The following NANP variants were observed in gnomAD, a reference collection of about 807,000 sequenced individuals.
NANP encodes the protein N-acylneuraminate-9-phosphatase.
A neutral mutation model predicts 16.9 loss-of-function variants in NANP; 15 were observed. The ratio of observed to expected loss-of-function variants is 0.89; its 90% CI spans 0.59 to 1.37. NANP has a LOEUF of 1.37. Ranked by LOEUF, NANP falls within the 40% of genes most tolerant of loss-of-function variation. The pLI, the probability that NANP is intolerant of heterozygous loss-of-function variation, is 0.00. For missense variants in NANP, 290 were observed against 303.5 expected, an observed-to-expected ratio of 0.96 and a Z score of 0.33; for synonymous variants, 135 against 112.6, an observed-to-expected ratio of 1.20 and a Z score of -1.26.
rs2065330919 is a variant in NANP at position 25,613,683 on chromosome 20, T to C, written c.*2242A>G. ...TCCCTAAGGAAGGGTGCAAATGGAA[T>C]GTAATACATTACTGTACTCTGTAGA... On this transcript the variant is annotated 3_prime_UTR_variant, in exon 2 of 2. Transcript: ENST00000304788. The C allele has an allele frequency of 2.5e-6, 1 of 397,876 alleles. No individual in the cohort carries two copies. Among genetic ancestry groups the C allele is most frequent in the Non-Finnish European group, 4.4e-6 (1 of 225,822 alleles). 24.6% of individuals were successfully genotyped at this position (397,876 alleles called of 1,614,324 possible).
chr20:25,616,723 TG>T, intron 1 of NANP, 142 bp from the exon 2 acceptor site: 1 of 666,364 alleles, frequency 1.5e-6, no homozygotes, highest in South Asian at 2.2e-5. Flanking sequence ...CCGTTTCTGG[TG>T]GGAATTGGCC....
Position 25,616,303 on chromosome 20 carries a change from C to G in NANP, c.369G>C (p.Lys123Asn). 1.2e-6 allele frequency: 2 copies of G among 1,614,188 alleles called. No individual in the cohort carries two copies. Among genetic ancestry groups the G allele is most frequent in the Non-Finnish European group, 1.7e-6 (2 of 1,180,018 alleles). The stretch of plus-strand genomic sequence containing the variant: ...TCGTTAATAGAAGTAGGCGGACCTC[C>G]TTTCGAAGTTCAGTAAGCATGGCTT... Reference protein sequence around the residue: ...DVKAMLTELRKEVRLLLLTNG... With the variant: ...DVKAMLTELRNEVRLLLLTNG... Residue 123 changes from lysine (K) to asparagine (N), a missense_variant, in exon 2 of 2, where the codon AAG (lysine) becomes AAC (asparagine). By Grantham distance (94) the Lys-to-Asn change is moderately conservative. Coordinates refer to ENST00000304788, the MANE Select transcript of NANP (RefSeq NM_152667.3).
chr20:25,622,985 T>C (rs1274289775), intron 1 of NANP, among the ~76,000 whole-genome samples: 1 of 152,162 alleles, frequency 6.6e-6, no homozygotes, highest in Non-Finnish European at 1.5e-5. Context: ...GGAATGCAGC[T>C]AAAAAGAAAA....
At position 25,623,934 on chromosome 20, in the gene NANP, G is replaced by A. The variant is rs749362766; in HGVS notation, c.15C>T (p.Arg5=). The change falls in exon 1 of 2, where the codon CGC becomes CGT. Residue 5 remains arginine, a synonymous_variant. Coordinates refer to ENST00000304788, the MANE Select transcript of NANP (RefSeq NM_152667.3). The stretch of plus-strand genomic sequence containing the variant: ...CCAAGTCAAAGAAAACCGCCCGCAC[G>A]CGGCTCAGCCCCATAGCGCCGGCCG... MGLS[R]VRAVFFDLDN... The A allele has an allele frequency of 6.2e-7, 1 of 1,613,186 alleles. No individual in the cohort carries two copies. Among genetic ancestry groups the A allele is most frequent in the South Asian group, 1.1e-5 (1 of 91,064 alleles).
rs897458054 is a variant in NANP at position 25,615,233 on chromosome 20, G to A, written c.*692C>T. On this transcript the variant is annotated 3_prime_UTR_variant, in exon 2 of 2. Coordinates refer to ENST00000304788, the MANE Select transcript of NANP (RefSeq NM_152667.3). The stretch of plus-strand genomic sequence containing the variant: ...CAGGTGAGAAAATGTCACGGTAAAG[G>A]AGCACCATGTGTTGATTTTAACAGC... The A allele has an allele frequency of 6.6e-6, 1 of 152,174 alleles. No homozygotes were observed. The highest frequency in any genetic ancestry group is 1.5e-5 in the Non-Finnish European group (1 of 67,994). The allele number at this position is 152,174 out of a possible 1,614,324, so 9.4% of individuals were successfully genotyped here.
In NANP at chr20:25,623,971, C is replaced by G; in HGVS notation, c.-23G>C. ...CATAGCGCCGGCCGCTGGCGCGAAC[C>G]GTAGCCTTGCCACCGCCGCCTGCGC... is the stretch of plus-strand genomic sequence containing the variant. On this transcript the variant is annotated 5_prime_UTR_variant, in exon 1 of 2. Transcript: ENST00000304788. 1 of 1,608,456 alleles carries G rather than the reference C, an allele frequency of 6.2e-7. No homozygotes were observed. Among genetic ancestry groups the G allele is most frequent in the Non-Finnish European group, 8.5e-7 (1 of 1,178,002 alleles).
At position 25,615,927 on chromosome 20, in the gene NANP, A is replaced by C; in HGVS notation, c.745T>G (p.Ter249GluextTer3). Reference sequence around the variant, plus strand: ...ATAATCATGCCCTTTTATGTGCTTTAAGTGGACATACTGACTTTGCAGTCT... The same window carrying C: ...ATAATCATGCCCTTTTATGTGCTTTCAGTGGACATACTGACTTTGCAGTCT... ...SIDCKVSMST[*>E] Residue 249 changes from the stop codon to glutamate, a stop_lost, in exon 2 of 2, where the codon TAA becomes GAA. Coordinates refer to ENST00000304788, the MANE Select transcript of NANP (RefSeq NM_152667.3). The C allele has an allele frequency of 6.2e-7, 1 of 1,606,274 alleles. No homozygotes were observed. The highest frequency in any genetic ancestry group is 8.5e-7 in the Non-Finnish European group (1 of 1,175,844).
chr20:25,616,197 C>T lies in NANP; in HGVS notation c.475G>A (p.Glu159Lys). The T allele has an allele frequency of 6.2e-7, 1 of 1,614,152 alleles. No homozygotes were observed. Among genetic ancestry groups the T allele is most frequent in the South Asian group, 1.1e-5 (1 of 91,078 alleles). ...GGTGCTGGTTTCTCCTCTCTCTGCTCTCCACCTACAACAACAGCGTCAAAA... is the reference window on the plus strand; with the variant it reads ...GGTGCTGGTTTCTCCTCTCTCTGCTTTCCACCTACAACAACAGCGTCAAAA... ...SYFDAVVVGG[E>K]QREEKPAPSI... is the part of the protein sequence containing the mutation. Residue 159 changes from glutamate (E) to lysine (K), a missense_variant, in exon 2 of 2, where the codon GAG becomes AAG. By Grantham distance (56) the Glu-to-Lys change is moderately conservative (BLOSUM62 1). Transcript: ENST00000304788.
At chr20:25,619,233 C>A (rs752100658) in intron 1 of NANP, among the ~76,000 whole-genome samples, 3 of 150,314 alleles carry the variant, frequency 2.0e-5, no homozygotes, top group Non-Finnish European at 4.4e-5. Flanking sequence ...CTGGGCTCAT[C>A]TCACTTCAGT....
In NANP at chr20:25,616,533, T is replaced by G. The variant is rs200124748; in HGVS notation, c.139A>C (p.Ile47Leu). The G allele has an allele frequency of 1.4e-4, 228 of 1,608,854 alleles. No homozygotes were observed. The highest frequency in any genetic ancestry group is 1.7e-4 in the Non-Finnish European group (202 of 1,178,240). Residue 47 changes from isoleucine to leucine, a missense_variant, in exon 2 of 2, where the codon ATC becomes CTC. Physicochemically the swap from Ile to Leu is conservative, Grantham distance 5. Transcript: ENST00000304788. ...TTAACTTGAACTTTATCACAGATGA[T>G]TTCAGCCTCTTCTTTATAATGGTAT... The part of the protein sequence containing the change: ...SKYHYKEEAE[I>L]ICDKVQVKLS...
intron 1 of NANP, among the ~76,000 whole-genome samples, chr20:25,618,024 G>A (rs565690294): frequency 6.6e-6 from 1 of 152,246 alleles, no homozygotes; most frequent in East Asian, 1.9e-4. Context: ...AATTAGGCAG[G>A]GAAGTGCAGA....
Position 25,615,850 on chromosome 20 carries a change from G to C in NANP, c.*75C>G. 1 of 1,345,934 alleles carries C rather than the reference G, an allele frequency of 7.4e-7. No homozygotes were observed. 83.4% of individuals were successfully genotyped at this position (1,345,934 alleles called of 1,614,324 possible). On this transcript the variant is annotated 3_prime_UTR_variant, in exon 2 of 2. Transcript: ENST00000304788. ...TTCTTAGAGCTGGATTATCATAAGT[G>C]GAGTGCCCTAACTTTTCTTATTTCA... is the stretch of plus-strand genomic sequence containing the variant.
chr20:25,620,789 C>T (rs1157002900), intron 1 of NANP, among the ~76,000 whole-genome samples: 2 of 151,302 alleles, frequency 1.3e-5, no homozygotes, highest in African/African-American at 2.4e-5. Flanking sequence ...TCCCATCCTG[C>T]GGAACTCAGG....
rs1177109844 is a variant in NANP, at chr20:25,616,447, A to G, written c.225T>C (p.His75=). The part of the protein sequence containing the change: ...NTCITDLRTS[H]WEEAIQETKG... Reference sequence around the variant, plus strand: ...TTGTTTCCTGGATTGCTTCTTCCCAATGTGAAGTCCTTAAATCAGTAATGC... The same window carrying G: ...TTGTTTCCTGGATTGCTTCTTCCCAGTGTGAAGTCCTTAAATCAGTAATGC... The change falls in exon 2 of 2, where the codon CAT becomes CAC. Residue 75 remains histidine (H), a synonymous_variant. Coordinates refer to ENST00000304788, the MANE Select transcript of NANP (RefSeq NM_152667.3). The G allele has an allele frequency of 2.7e-5, 43 of 1,614,026 alleles. No individual in the cohort carries two copies. In the Admixed American group the frequency reaches 6.3e-4, roughly 24 times the overall value.
At position 25,615,734 on chromosome 20, in the gene NANP, A is replaced by G; in HGVS notation, c.*191T>C. 1.7e-6 allele frequency: 1 copy of G among 576,246 alleles called. No homozygotes were observed. The highest frequency in any genetic ancestry group is 2.9e-5 in the East Asian group (1 of 34,428). 35.7% of individuals were successfully genotyped at this position (576,246 alleles called of 1,614,324 possible). A position where few individuals can be genotyped will look rare whatever the true frequency, so the allele number is the denominator to read the frequency against. ...CATGCAATCTGAATTTTCAGATATA[A>G]GTACCACTCAATGGTTGGTTGTTAC... On this transcript the variant is annotated 3_prime_UTR_variant, in exon 2 of 2. Transcript: ENST00000304788.
chr20:25,620,204 A>G (rs1159483963), intron 1 of NANP, among the ~76,000 whole-genome samples: 2 of 152,170 alleles, frequency 1.3e-5, no homozygotes, highest in African/African-American at 4.8e-5. Context: ...GGGAGTATTG[A>G]TTGAATTGGA....
At chr20:25,623,127 C>T (rs914687992) in intron 1 of NANP, among the ~76,000 whole-genome samples, 3 of 152,226 alleles carry the variant, frequency 2.0e-5, no homozygotes, top group Non-Finnish European at 4.4e-5. Context: ...TTCCCTTTCC[C>T]CTTGAAGCTG....
intron 1 of NANP, among the ~76,000 whole-genome samples, chr20:25,617,819 A>G (rs2065349776): frequency 6.6e-6 from 1 of 152,064 alleles, no homozygotes; most frequent in African/African-American, 2.4e-5. Flanking sequence ...GCCCGGCCCC[A>G]ATTCTGTACT....
chr20:25,623,584 C>T (rs1438209413), intron 1 of NANP, among the ~76,000 whole-genome samples: 1 of 152,182 alleles, frequency 6.6e-6, no homozygotes, highest in African/African-American at 2.4e-5. Context: ...TGGCAGCCGT[C>T]ACGGAGCCCT....
Sources: allele counts gnomAD v4.1 joint callset (sites outside exome capture counted in the v4.1 genomes callset), GRCh38; gene constraint gnomAD v4.1.1; transcripts MANE v1.5; gene names NCBI Gene and HGNC (gene_info 2026-07-23, HGNC 2026-07-21).